GPATCH8: variants seen among roughly 807,000 people sequenced by gnomAD.
GPATCH8 encodes G-patch domain containing 8.
In GPATCH8, 18 loss-of-function variants were observed where a neutral mutation model predicts 118.3. That is an observed-to-expected ratio of 0.15 (90% confidence interval 0.11 to 0.23). GPATCH8 has a LOEUF of 0.23. GPATCH8 is among the 10% of genes least tolerant of loss of function. The probability of loss-of-function intolerance (pLI) is 1.00; values close to 1 mark genes in which losing one functional copy is unlikely to be tolerated. For missense variants in GPATCH8, 1,631 were observed against 1,873.8 expected, an observed-to-expected ratio of 0.87 and a Z score of 2.39; for synonymous variants, 659 against 684.7, an observed-to-expected ratio of 0.96 and a Z score of 0.59.
intron 3 of GPATCH8, among the ~76,000 whole-genome samples, chr17:44,459,731 T>TA (rs148766076): frequency 0.022 from 3,289 of 147,094 alleles, 66 homozygotes; most frequent in East Asian, 0.12. Flanking sequence ...CTACAGCAGT[T>TA]AAAAAAAAAA....
intron 5 of GPATCH8, among the ~76,000 whole-genome samples, chr17:44,433,079 C>T (rs1359726832): frequency 6.6e-6 from 1 of 151,972 alleles, no homozygotes; most frequent in African/African-American, 2.4e-5. Flanking sequence ...AACTCCTGGG[C>T]TCAAGCAATC....
chr17:44,410,134 G>A (rs2049377720), intron 6 of GPATCH8, among the ~76,000 whole-genome samples: 1 of 152,074 alleles, frequency 6.6e-6, no homozygotes. Context: ...TTTTTATAAA[G>A]GCACAAGGAC....
At chr17:44,421,846 AC>A (rs2049917482) in intron 6 of GPATCH8, among the ~76,000 whole-genome samples, 1 of 145,758 alleles carries the variant, frequency 6.9e-6, no homozygotes. Context: ...CGTGCCTCGA[AC>A]CCCCAAGCAG....
chr17:44,406,508 G>GGGGGGGTT (rs1555622781), intron 6 of GPATCH8, among the ~76,000 whole-genome samples: 1 of 94,312 alleles, frequency 1.1e-5, no homozygotes. Flanking sequence ...GGGGGGGGGG[G>GGGGGGGTT]TTATTTAAAT....
chr17:44,435,124 G>T lies in GPATCH8; in HGVS notation c.289C>A (p.Arg97=), dbSNP rs1250210549. The T allele has an allele frequency of 2.0e-6, 3 of 1,510,350 alleles. No individual in the cohort carries two copies. Among genetic ancestry groups the T allele is most frequent in the Non-Finnish European group, 2.8e-6 (3 of 1,085,562 alleles). 93.6% of individuals were successfully genotyped at this position (1,510,350 alleles called of 1,614,324 possible). A position where few individuals can be genotyped will look rare whatever the true frequency, so the allele number is the denominator to read the frequency against. ...ELDYAEDATE[R]RRVLEVEKED... ...TTTTCTACTTCTAGGACACGGCGCCGTTCGGTAGCATCTTCAGCATAATCA... is the reference window on the plus strand; with the variant it reads ...TTTTCTACTTCTAGGACACGGCGCCTTTCGGTAGCATCTTCAGCATAATCA... Residue 97 remains arginine (R), a synonymous_variant, in exon 5 of 8, where the codon CGG becomes AGG. Coordinates refer to ENST00000591680, the MANE Select transcript of GPATCH8 (RefSeq NM_001002909.4).
intron 7 of GPATCH8, among the ~76,000 whole-genome samples, chr17:44,405,204 T>C: frequency 6.6e-6 from 1 of 151,484 alleles, no homozygotes; most frequent in East Asian, 1.9e-4. Flanking sequence ...TGAAGGTTTA[T>C]AATTCTTTTT....
intron 1 of GPATCH8, among the ~76,000 whole-genome samples, chr17:44,487,459 A>C (rs564706939): frequency 2.6e-5 from 4 of 152,218 alleles, no homozygotes; most frequent in Non-Finnish European, 5.9e-5. Flanking sequence ...AGAATGCTAT[A>C]AACATCCATG....
At chr17:44,452,960 T>C (rs1311162242) in intron 3 of GPATCH8, among the ~76,000 whole-genome samples, 3 of 152,288 alleles carry the variant, frequency 2.0e-5, no homozygotes, top group African/African-American at 7.2e-5. Context: ...CCCAGGTGGC[T>C]GGGACTACAG....
rs532693023 is a variant in GPATCH8, at chr17:44,486,880, TAGAC to T, written c.46-11981_46-11978del. On this transcript the variant is annotated intron_variant, in intron 1 of 7. Transcript: ENST00000591680. ...ATTAACTTTTGTGATTACTTTCAGA[TAGAC>T]AGACTTTATTTTTTCAAGCAGTTTT... 7.2e-5 allele frequency: 11 copies of T among 152,340 alleles called. No individual in the cohort carries two copies. In the South Asian group the frequency reaches 1.2e-3, roughly 17 times the overall value. 9.4% of individuals were successfully genotyped at this position (152,340 alleles called of 1,614,324 possible).
intron 7 of GPATCH8, among the ~76,000 whole-genome samples, chr17:44,404,079 G>A (rs1284318519): frequency 6.6e-6 from 1 of 151,892 alleles, no homozygotes; most frequent in Admixed American, 6.6e-5. Context: ...CTTACACTGT[G>A]TTATGAAACC....
intron 3 of GPATCH8, among the ~76,000 whole-genome samples, chr17:44,453,515 G>GTGTA (rs2051206479): frequency 6.6e-6 from 1 of 150,668 alleles, no homozygotes; most frequent in African/African-American, 2.5e-5. Flanking sequence ...GTGTGTGTGT[G>GTGTA]TGTGTGTGTG....
rs1555622834 is a variant in GPATCH8 at position 44,406,506 on chromosome 17, G to GGA, written c.493-456_493-455insTC. Among the ~76,000 whole-genome samples, 157 of 69,388 alleles carry GGA rather than the reference G, an allele frequency of 2.3e-3. 35 individuals are homozygous for GGA. Among genetic ancestry groups the GGA allele is most frequent in the Non-Finnish European group, 3.8e-3 (120 of 31,722 alleles). The allele number at this position is 69,388 out of a possible 152,430, so 45.5% of individuals were successfully genotyped here. A position where few individuals can be genotyped will look rare whatever the true frequency, so the allele number is the denominator to read the frequency against. ...AATGTACAGCTTACATGGGGGGGGG[G>GGA]GGTTATTTAAATTAGAACAAATAGA... On this transcript the variant is annotated intron_variant, in intron 6 of 7. Transcript: ENST00000591680.
At chr17:44,486,479 A>T (rs1267255800) in intron 1 of GPATCH8, 2 of 152,084 alleles carry the variant, frequency 1.3e-5, no homozygotes, top group Non-Finnish European at 2.9e-5. Context: ...GGGAGAACTT[A>T]AAAAAAATTT....
At chr17:44,467,169 T>C (rs892210509) in intron 2 of GPATCH8, 1 of 784,500 alleles carries the variant, frequency 1.3e-6, no homozygotes, top group Non-Finnish European at 1.8e-6. Context: ...CAATCACTAA[T>C]GGTCGTTTTT....
At chr17:44,435,248 C>CA (rs912463933) in intron 4 of GPATCH8, 97 bp from the exon 5 acceptor site, 462 of 689,476 alleles carry the variant, frequency 6.7e-4, no homozygotes, top group Middle Eastern at 2.2e-3. Flanking sequence ...TATCTGAAAA[C>CA]AAAAAAAAAT....
chr17:44,428,916 C>A (rs1018025255), intron 5 of GPATCH8, among the ~76,000 whole-genome samples: 1 of 151,678 alleles, frequency 6.6e-6, no homozygotes, highest in African/African-American at 2.4e-5. Flanking sequence ...CCGAGGTGGG[C>A]GGTTCACGAG....
chr17:44,421,004 C>G (rs573935717), intron 6 of GPATCH8, among the ~76,000 whole-genome samples: 1 of 152,100 alleles, frequency 6.6e-6, no homozygotes, highest in African/African-American at 2.4e-5. Context: ...AGCCAGGCCA[C>G]CACGCCTGGC....
In GPATCH8 at chr17:44,478,532, C is replaced by T. The variant is rs78996337; in HGVS notation, c.46-3629G>A. On this transcript the variant is annotated intron_variant, in intron 1 of 7. Transcript: ENST00000591680. ...GGCGTGGTGGTGTGTACCTATAGTC[C>T]TAGTCCTATAGTCCTAGCTACTAGG... Among the ~76,000 whole-genome samples, 575 of 152,004 alleles carry T rather than the reference C, an allele frequency of 3.8e-3. 7 individuals carry two copies. Among genetic ancestry groups the T allele is most frequent in the Middle Eastern group, 0.017 (5 of 294 alleles).
rs112724419 is a variant in GPATCH8, at chr17:44,396,134, C to T, written c.*1434G>A. On this transcript the variant is annotated 3_prime_UTR_variant, in exon 8 of 8. Coordinates refer to ENST00000591680, the MANE Select transcript of GPATCH8 (RefSeq NM_001002909.4). The stretch of plus-strand genomic sequence containing the variant: ...TACTTCTACTTCCGTTTCTACCAAC[C>T]CAAAAGGCACATTAAAAAAAAAATT... The T allele has an allele frequency of 4.0e-5, 18 of 454,444 alleles. No individual in the cohort carries two copies. Among genetic ancestry groups the T allele is most frequent in the African/African-American group, 2.4e-4 (12 of 50,052 alleles). The allele number at this position is 454,444 out of a possible 1,614,324, so 28.2% of individuals were successfully genotyped here. A position where few individuals can be genotyped will look rare whatever the true frequency, so the allele number is the denominator to read the frequency against.
Sources: gnomAD v4.1 joint callset for allele counts (sites outside exome capture counted in the v4.1 genomes callset) on GRCh38, gnomAD v4.1.1 for gene constraint, MANE v1.5 for transcripts, NCBI Gene and HGNC (gene_info 2026-07-23, HGNC 2026-07-21) for gene names.